CDH13: variants seen among roughly 807,000 people sequenced by gnomAD.
CDH13 encodes the protein cadherin-13.
In CDH13, 24 loss-of-function variants were observed where a neutral mutation model predicts 63.8. That is an observed-to-expected ratio of 0.38 (90% CI 0.27 to 0.53). The LOEUF (loss-of-function observed/expected upper bound fraction) is 0.53. CDH13 is among the 20% of genes least tolerant of loss of function. CDH13 has a pLI of 0.85. For missense variants in CDH13, 1,049 were observed against 903.1 expected (o/e 1.16, Z -2.07); for synonymous variants, 503 against 355.3 (o/e 1.42, Z -4.67).
chr16:83,130,588 G>A (rs952442362), intron 4 of CDH13, among the ~76,000 whole-genome samples: 1 of 152,224 alleles, frequency 6.6e-6, no homozygotes, highest in Admixed American at 6.5e-5. Context: ...TAGAATATAA[G>A]TTGGTGAACA....
At chr16:82,991,432 C>A (rs779895803) in intron 2 of CDH13, among the ~76,000 whole-genome samples, 2 of 152,100 alleles carry the variant, frequency 1.3e-5, no homozygotes, top group African/African-American at 2.4e-5. Context: ...GTTGATTTAT[C>A]TTTAACACAG....
chr16:82,700,951 A>ACC (rs1287553502), intron 1 of CDH13, among the ~76,000 whole-genome samples: 26 of 13,814 alleles, frequency 1.9e-3, no homozygotes, highest in African/African-American at 3.0e-3. Context: ...AAGTGCTGGA[A>ACC]CCCGCCCCCC....
intron 4 of CDH13, among the ~76,000 whole-genome samples, chr16:83,199,128 T>C (rs2038955712): frequency 6.6e-6 from 1 of 152,208 alleles, no homozygotes; most frequent in Non-Finnish European, 1.5e-5. Flanking sequence ...GTGCTGGAGC[T>C]GGGCTTGGAT....
At chr16:83,001,764 A>T (rs1912960836) in intron 2 of CDH13, among the ~76,000 whole-genome samples, 1 of 152,194 alleles carries the variant, frequency 6.6e-6, no homozygotes. Flanking sequence ...TGTGCATGTC[A>T]ATGAGTCCTG....
intron 6 of CDH13, among the ~76,000 whole-genome samples, chr16:83,397,702 G>A (rs2306906): frequency 0.34 from 51,973 of 152,016 alleles, 9,169 homozygotes; most frequent in South Asian, 0.45. Flanking sequence ...ATGCCTATGT[G>A]AAAGTAAAGA....
chr16:82,914,661 G>A (rs181247343), intron 2 of CDH13, among the ~76,000 whole-genome samples: 78 of 152,296 alleles, frequency 5.1e-4, no homozygotes, highest in African/African-American at 1.5e-3. Flanking sequence ...AGCTTGGTCA[G>A]CCCTGGCACA....
At position 82,840,699 on chromosome 16, in the gene CDH13, A is replaced by G. The variant is rs184377105; in HGVS notation, c.46-17663A>G. ...GAATCCATCTCAAAAAAAAAAAAAA[A>G]AAAGAAAAAAACTTGCATAATGGAG... is the stretch of plus-strand genomic sequence containing the variant. On this transcript the variant is annotated intron_variant, in intron 1 of 13. Transcript: ENST00000567109. Among the ~76,000 whole-genome samples the G allele has an allele frequency of 4.6e-3, 700 of 152,018 alleles. 6 individuals are homozygous for G. The highest frequency in any genetic ancestry group is 7.5e-3 in the Non-Finnish European group (510 of 67,970).
chr16:83,000,223 A>ATTATTT (rs1912728584), intron 2 of CDH13, among the ~76,000 whole-genome samples: 1 of 36,986 alleles, frequency 2.7e-5, no homozygotes, highest in Non-Finnish European at 6.0e-5. Context: ...GGTTTAGCTT[A>ATTATTT]TTTTTTTTTT....
At chr16:82,860,383 GTGT>G (rs1301855994) in intron 2 of CDH13, among the ~76,000 whole-genome samples, 12 of 76,850 alleles carry the variant, frequency 1.6e-4, no homozygotes, top group East Asian at 3.8e-4. Flanking sequence ...TTGTGTGTGT[GTGT>G]GTGGGGGGGG....
chr16:82,875,317 T>C lies in CDH13; in HGVS notation c.157+16844T>C, dbSNP rs867835960. Among the ~76,000 whole-genome samples, 12 of 152,322 alleles carry C rather than the reference T, an allele frequency of 7.9e-5. No individual in the cohort carries two copies. In the South Asian group the frequency reaches 1.5e-3, roughly 18 times the overall value. ...GGATTATCTGTTGAAAAGCGTTTTGTTGGCTATAATTACAATATGATGACT... is the reference window on the plus strand; with the variant it reads ...GGATTATCTGTTGAAAAGCGTTTTGCTGGCTATAATTACAATATGATGACT... On this transcript the variant is annotated intron_variant, in intron 2 of 13. Coordinates refer to ENST00000567109, the MANE Select transcript of CDH13 (RefSeq NM_001257.5).
chr16:83,619,842 G>A lies in CDH13; in HGVS notation c.1101+17248G>A, dbSNP rs555015434. 8.6e-4 allele frequency among the ~76,000 whole-genome samples: 131 copies of A among 152,324 alleles called. 1 individual carries two copies. Among genetic ancestry groups the A allele is most frequent in the Non-Finnish European group, 6.6e-4 (45 of 68,034 alleles). ...GGTTCAGATTTCAGTGTATCCTTAG[G>A]GGGAGACACAATTCAAAGTCTAGCA... On this transcript the variant is annotated intron_variant, in intron 8 of 13. Transcript: ENST00000567109.
At chr16:82,790,500 G>A (rs990964995) in intron 1 of CDH13, among the ~76,000 whole-genome samples, 1 of 152,098 alleles carries the variant, frequency 6.6e-6, no homozygotes, top group Non-Finnish European at 1.5e-5. Flanking sequence ...CTCAATTTGG[G>A]CTTCAAGGCA....
At chr16:82,649,764 C>G (rs957635329) in intron 1 of CDH13, among the ~76,000 whole-genome samples, 1 of 152,166 alleles carries the variant, frequency 6.6e-6, no homozygotes, top group Non-Finnish European at 1.5e-5. Flanking sequence ...TGGTTAAGAA[C>G]AAGGACACCA....
intron 1 of CDH13, among the ~76,000 whole-genome samples, chr16:82,726,899 C>T (rs904028535): frequency 6.6e-6 from 1 of 152,190 alleles, no homozygotes; most frequent in African/African-American, 2.4e-5. Context: ...GAGCTGTATT[C>T]TGTCTGAGGC....
rs908824606 is a variant in CDH13, at chr16:82,933,621, A to T, written c.157+75148A>T. 3.3e-5 allele frequency among the ~76,000 whole-genome samples: 5 copies of T among 152,182 alleles called. No individual in the cohort carries two copies. The East Asian group carries it at 9.6e-4, about 29-fold the overall frequency. ...CATTAACCCAAAAGTCCAAGTCCAT[A>T]GTCTGATTTGAGACAAGGCAAGTCC... On this transcript the variant is annotated intron_variant, in intron 2 of 13. Transcript: ENST00000567109.
intron 3 of CDH13, among the ~76,000 whole-genome samples, chr16:83,106,513 C>G (rs112895702): frequency 0.029 from 4,344 of 152,242 alleles, 81 homozygotes; most frequent in East Asian, 0.044. Context: ...TGCACTCCAG[C>G]CTGGGCGACA....
Position 83,047,287 on chromosome 16 carries a change from G to T in CDH13, c.366+15069G>T, listed in dbSNP as rs1193622350. 6.6e-6 allele frequency among the ~76,000 whole-genome samples: 1 copy of T among 152,086 alleles called. No individual in the cohort carries two copies. On this transcript the variant is annotated intron_variant, in intron 3 of 13. Coordinates refer to ENST00000567109, the MANE Select transcript of CDH13 (RefSeq NM_001257.5). This position sits in a 1 kb window ranked among gnomAD's most constrained non-coding sequence, Gnocchi z 4.9. ...GTAAAGGCCTCTGCTGTGAATTTAA[G>T]TCATCTAATCAAAATGCATTATTTC...
chr16:83,603,719 A>T (rs749637129), intron 8 of CDH13, among the ~76,000 whole-genome samples: 16 of 152,270 alleles, frequency 1.1e-4, no homozygotes, highest in Non-Finnish European at 2.2e-4. Flanking sequence ...TCAACCCCCG[A>T]GTTCCCCAAT....
intron 6 of CDH13, among the ~76,000 whole-genome samples, chr16:83,389,163 C>T (rs554932438): frequency 6.6e-6 from 1 of 152,150 alleles, no homozygotes; most frequent in Non-Finnish European, 1.5e-5. Flanking sequence ...GATTGCTTTT[C>T]ATTTTTTAAT....
Sources: allele counts gnomAD v4.1 joint callset (sites outside exome capture counted in the v4.1 genomes callset), GRCh38; gene constraint gnomAD v4.1.1; non-coding constraint Gnocchi (gnomAD v3.1); transcripts MANE v1.5; gene names NCBI Gene and HGNC (gene_info 2026-07-23, HGNC 2026-07-21).